COPG1: variants seen among roughly 807,000 people sequenced by gnomAD.
The protein encoded by COPG1 is coatomer subunit gamma-1.
A neutral mutation model predicts 102.8 loss-of-function variants in COPG1; 29 were observed. The observed-to-expected ratio is 0.28, with a 90% CI of 0.21 to 0.38. COPG1 has a LOEUF of 0.38. COPG1 is among the 10% of genes least tolerant of loss of function. The pLI is 1.00. For missense variants in COPG1, 875 were observed against 1,132.7 expected (o/e 0.77, Z 3.27); for synonymous variants, 406 against 421.6 (o/e 0.96, Z 0.45).
rs1473187212 is a variant in COPG1, at chr3:129,274,197, A to AG, written c.2257-641_2257-640insG. 107 of 429,536 alleles carry AG rather than the reference A, an allele frequency of 2.5e-4. 1 individual carries two copies. Among genetic ancestry groups the AG allele is most frequent in the Non-Finnish European group, 3.8e-4 (83 of 217,156 alleles). The allele number at this position is 429,536 out of a possible 1,614,324, so 26.6% of individuals were successfully genotyped here. ...CATCCAGAGATGAAGAAAAAAAAAA[A>AG]AGAGAGAGAGAGCTGGGTCTAAGTT... On this transcript the variant is annotated intron_variant, in intron 21 of 23. Coordinates refer to ENST00000314797, the MANE Select transcript of COPG1 (RefSeq NM_016128.4).
rs775727605 is a variant in COPG1, at chr3:129,254,720, C to T, written c.376C>T (p.Arg126Ter). The T allele has an allele frequency of 3.7e-6, 6 of 1,613,910 alleles. No individual in the cohort carries two copies. The highest frequency in any genetic ancestry group is 5.1e-6 in the Non-Finnish European group (6 of 1,179,910). The part of the protein sequence containing the change: ...KEDNYRGPAV[R>*]ALCQITDSTM... ...AGACAACTACCGGGGCCCGGCCGTG[C>T]GAGCCCTCTGCCAGATCACTGATGT... Residue 126 changes from arginine (R) to a stop codon, truncating the protein, a stop_gained, in exon 6 of 24, where the codon CGA becomes TGA. Transcript: ENST00000314797. LOFTEE classifies it high-confidence loss of function.
chr3:129,272,577 A>T (rs568701627), intron 20 of COPG1, among the ~76,000 whole-genome samples, 162 bp downstream of exon 20: 83 of 151,900 alleles, frequency 5.5e-4, no homozygotes, highest in African/African-American at 1.7e-3. Context: ...CTTCTTTAAA[A>T]ATTTTTTTTT....
intron 21 of COPG1, among the ~76,000 whole-genome samples, chr3:129,273,785 T>G (rs991933123): frequency 1.3e-5 from 2 of 152,234 alleles, no homozygotes; most frequent in Non-Finnish European, 2.9e-5. Flanking sequence ...TTAAGACATT[T>G]TGATTCCTCT....
At chr3:129,254,630 A>T in intron 5 of COPG1, 38 bp from the exon 6 acceptor site, 1 of 1,551,220 alleles carries the variant, frequency 6.4e-7, no homozygotes, top group Non-Finnish European at 8.9e-7. Context: ...AAACAGGCCC[A>T]GGCTCTCTGC....
intron 12 of COPG1, among the ~76,000 whole-genome samples, chr3:129,262,374 T>C (rs1178625708): frequency 1.3e-5 from 2 of 151,450 alleles, no homozygotes; most frequent in Non-Finnish European, 2.9e-5. Context: ...TGCCTCAGCC[T>C]CCTGAGTAGC....
chr3:129,252,456 C>G, intron 3 of COPG1, 95 bp downstream of exon 3: 2 of 1,069,828 alleles, frequency 1.9e-6, no homozygotes, highest in Admixed American at 1.8e-5. Flanking sequence ...TGGACAGCCT[C>G]TGTGTGGCTG....
chr3:129,256,102 G>A lies in COPG1; in HGVS notation c.527G>A (p.Arg176His). 11 of 1,613,910 alleles carry A rather than the reference G, an allele frequency of 6.8e-6. No individual in the cohort carries two copies. Among genetic ancestry groups the A allele is most frequent in the Admixed American group, 1.7e-5 (1 of 60,022 alleles). Residue 176 changes from arginine (R) to histidine (H), a missense_variant, in exon 8 of 24, where the codon CGC becomes CAC. Transcript: ENST00000314797. ...AAGTGCAGCTTTGACGTGGTCAAGC[G>A]CTGGGTGAATGAGGCTCAGGAGGCA... is the stretch of plus-strand genomic sequence containing the variant. The part of the protein sequence containing the change: ...LLKCSFDVVK[R>H]WVNEAQEAAS...
intron 23 of COPG1, among the ~76,000 whole-genome samples, chr3:129,276,263 G>A (rs1027400810): frequency 5.3e-5 from 8 of 152,152 alleles, no homozygotes; most frequent in African/African-American, 1.9e-4. Flanking sequence ...TGAGGCATTT[G>A]TATTTCCTTT....
At chr3:129,253,878 T>C (rs1271903958) in intron 5 of COPG1, among the ~76,000 whole-genome samples, 1 of 151,822 alleles carries the variant, frequency 6.6e-6, no homozygotes, top group Non-Finnish European at 1.5e-5. Context: ...CGCACACCTA[T>C]AATCCCAGCT....
intron 14 of COPG1, among the ~76,000 whole-genome samples, chr3:129,266,441 T>C (rs1021754127): frequency 1.4e-4 from 22 of 152,158 alleles, no homozygotes; most frequent in Non-Finnish European, 2.9e-4. Flanking sequence ...ATTTTTTTTT[T>C]AACTTTCACT....
chr3:129,258,204 G>C (rs956746812), intron 10 of COPG1, among the ~76,000 whole-genome samples: 3 of 152,214 alleles, frequency 2.0e-5, no homozygotes, highest in African/African-American at 7.2e-5. Context: ...AGGTGAAGGA[G>C]AGAACAGTAT....
intron 19 of COPG1, 35 bp from the exon 20 acceptor site, chr3:129,272,209 T>C (rs766374632): frequency 6.3e-7 from 1 of 1,592,060 alleles, no homozygotes; most frequent in South Asian, 1.1e-5. Flanking sequence ...TCGGACCTAG[T>C]GCAATGTTTA....
At chr3:129,251,478 G>A (rs556039730) in intron 2 of COPG1, among the ~76,000 whole-genome samples, 3 of 151,554 alleles carry the variant, frequency 2.0e-5, no homozygotes, top group Admixed American at 1.3e-4. Flanking sequence ...TGCCTCCTGG[G>A]TTCAAGCAAT....
At chr3:129,267,358 C>G in intron 15 of COPG1, 1 of 314,094 alleles carries the variant, frequency 3.2e-6, no homozygotes, top group East Asian at 8.9e-5. Context: ...ATAGTGGCTC[C>G]CGCCTGTAAT....
Position 129,254,900 on chromosome 3 carries a change from A to G in COPG1, c.400-85A>G, listed in dbSNP as rs1939774379. 2.4e-6 allele frequency: 3 copies of G among 1,241,138 alleles called. No individual in the cohort carries two copies. The Admixed American group carries it at 5.2e-5, about 22-fold the overall frequency. 76.9% of individuals were successfully genotyped at this position (1,241,138 alleles called of 1,614,324 possible). ...TGAGAAACGCTTACTTCCTCCTCATACTCATCTCTGCCCCCATTCCTGCAC... is the reference window on the plus strand; with the variant it reads ...TGAGAAACGCTTACTTCCTCCTCATGCTCATCTCTGCCCCCATTCCTGCAC... On this transcript the variant is annotated intron_variant, in intron 6 of 23. Transcript: ENST00000314797.
At chr3:129,277,060 G>C (rs1451606376) in intron 23 of COPG1, among the ~76,000 whole-genome samples, 1 of 151,876 alleles carries the variant, frequency 6.6e-6, no homozygotes, top group Admixed American at 6.6e-5. Flanking sequence ...CTGACCTCAT[G>C]ATCTGCCCAC....
intron 19 of COPG1, 130 bp downstream of exon 19, chr3:129,272,039 C>T: frequency 8.7e-7 from 1 of 1,150,782 alleles, no homozygotes; most frequent in Non-Finnish European, 1.2e-6. Context: ...CAGAATCTGT[C>T]CCCAACAGGT....
intron 16 of COPG1, 86 bp from the exon 17 acceptor site, chr3:129,268,409 A>G: frequency 6.9e-7 from 1 of 1,450,246 alleles, no homozygotes; most frequent in Non-Finnish European, 9.4e-7. Context: ...AGGACTTGTA[A>G]CTTCGGGACC....
At chr3:129,268,073 A>G in intron 16 of COPG1, 33 bp downstream of exon 16, 1 of 1,523,608 alleles carries the variant, frequency 6.6e-7, no homozygotes, top group East Asian at 2.3e-5. Flanking sequence ...TGGACTCAGC[A>G]CCTTACTGGA....
Sources: allele counts gnomAD v4.1 joint callset (sites outside exome capture counted in the v4.1 genomes callset), GRCh38; gene constraint gnomAD v4.1.1; transcripts MANE v1.5; gene names NCBI Gene and HGNC (gene_info 2026-07-23, HGNC 2026-07-21).